The following AGMO variants were observed in gnomAD, a reference collection of about 807,000 sequenced individuals.
AGMO encodes the protein glyceryl-ether monooxygenase.
AGMO carries 75 observed loss-of-function variants against 60.2 expected under a neutral mutation model. The observed-to-expected ratio is 1.25, with a 90% CI of 1.03 to 1.51. The LOEUF is 1.51. Ranked by LOEUF, AGMO falls within the 40% of genes most tolerant of loss-of-function variation. AGMO has a pLI of 0.00. For missense variants in AGMO, 763 were observed against 525.5 expected (o/e 1.45, Z -4.42); for synonymous variants, 261 against 177.1 (o/e 1.47, Z -3.76).
At chr7:15,428,710 A>G (rs923132311) in intron 4 of AGMO, among the ~76,000 whole-genome samples, 4 of 152,050 alleles carry the variant, frequency 2.6e-5, no homozygotes, top group African/African-American at 7.2e-5. Context: ...TCTGAAGTCA[A>G]TGATGCTCTG....
At chr7:15,123,742 A>T in the AGMO span, among the ~76,000 whole-genome samples, 1 of 151,868 alleles carries the variant, frequency 6.6e-6, no homozygotes, top group African/African-American at 2.4e-5. Context: ...AAGTGGTATT[A>T]AAAAAAAGAG....
At chr7:15,359,043 A>C (rs192373942) in intron 12 of AGMO, among the ~76,000 whole-genome samples, 2 of 152,252 alleles carry the variant, frequency 1.3e-5, no homozygotes, top group East Asian at 3.9e-4. Flanking sequence ...TAATCCCAGC[A>C]CTTTGGGAGG....
At chr7:15,271,519 A>G (rs1465032791) in intron 12 of AGMO, among the ~76,000 whole-genome samples, 1 of 152,158 alleles carries the variant, frequency 6.6e-6, no homozygotes, top group Non-Finnish European at 1.5e-5. Context: ...TTAATTTTGT[A>G]TCTTGAAAAT....
chr7:15,496,048 A>G (rs1252065959), intron 3 of AGMO, among the ~76,000 whole-genome samples: 1 of 152,172 alleles, frequency 6.6e-6, no homozygotes, highest in Non-Finnish European at 1.5e-5. Context: ...TACTCAGTCC[A>G]TAACATCTAC....
chr7:15,351,710 G>A (rs1782249567), intron 12 of AGMO, among the ~76,000 whole-genome samples: 1 of 152,090 alleles, frequency 6.6e-6, no homozygotes, highest in Non-Finnish European at 1.5e-5. Context: ...ATTTTAAGTG[G>A]ACACATAAAT....
chr7:15,195,114 A>G, the AGMO span, among the ~76,000 whole-genome samples: 1 of 152,140 alleles, frequency 6.6e-6, no homozygotes, highest in African/African-American at 2.4e-5. Flanking sequence ...ACACTACTAC[A>G]AGAGACCCTG....
chr7:15,264,177 C>A (rs1014913007), intron 12 of AGMO, among the ~76,000 whole-genome samples: 6 of 151,548 alleles, frequency 4.0e-5, no homozygotes, highest in Middle Eastern at 3.2e-3. Flanking sequence ...AAAATAATGA[C>A]CAATTAAAAA....
chr7:15,146,826 TC>T, the AGMO span, among the ~76,000 whole-genome samples: 3 of 152,168 alleles, frequency 2.0e-5, no homozygotes, highest in Non-Finnish European at 4.4e-5. Flanking sequence ...CAGTAGCATC[TC>T]AAAATCAGTG....
At chr7:15,476,684 A>C (rs528627142) in intron 3 of AGMO, among the ~76,000 whole-genome samples, 2 of 152,182 alleles carry the variant, frequency 1.3e-5, no homozygotes, top group East Asian at 1.9e-4. Flanking sequence ...TCCTTCTATC[A>C]GCTTTGAAAG....
At chr7:15,484,151 A>T (rs938142582) in intron 3 of AGMO, among the ~76,000 whole-genome samples, 3 of 152,310 alleles carry the variant, frequency 2.0e-5, no homozygotes, top group Non-Finnish European at 4.4e-5. Flanking sequence ...TTCACAAAAA[A>T]GACATTGCAA....
At chr7:15,553,065 G>T (rs973951057) in intron 2 of AGMO, among the ~76,000 whole-genome samples, 3 of 150,122 alleles carry the variant, frequency 2.0e-5, no homozygotes, top group South Asian at 2.1e-4. Flanking sequence ...GTAAACTATC[G>T]CAAGAACAAA....
At chr7:15,139,338 A>C in the AGMO span, among the ~76,000 whole-genome samples, 1 of 152,032 alleles carries the variant, frequency 6.6e-6, no homozygotes, top group Non-Finnish European at 1.5e-5. Flanking sequence ...TGGGGCTTTT[A>C]ATTGATTCTG....
chr7:15,359,044 C>A (rs1044294723), intron 12 of AGMO, among the ~76,000 whole-genome samples: 1 of 152,084 alleles, frequency 6.6e-6, no homozygotes, highest in African/African-American at 2.4e-5. Context: ...AATCCCAGCA[C>A]TTTGGGAGGC....
chr7:15,307,523 T>C (rs537434990), intron 12 of AGMO, among the ~76,000 whole-genome samples: 226 of 152,046 alleles, frequency 1.5e-3, no homozygotes, highest in African/African-American at 5.1e-3. Context: ...TAAAGTATAC[T>C]AGTTTTTTTT....
chr7:15,384,851 T>G (rs1290295773), intron 10 of AGMO, among the ~76,000 whole-genome samples: 1 of 149,722 alleles, frequency 6.7e-6, no homozygotes, highest in Admixed American at 6.7e-5. Flanking sequence ...TACAACATAT[T>G]TTTATATACG....
At chr7:15,130,980 T>C in the AGMO span, among the ~76,000 whole-genome samples, 483 of 152,296 alleles carry the variant, frequency 3.2e-3, 4 homozygotes, top group Middle Eastern at 6.8e-3. Flanking sequence ...AATAATTTAT[T>C]AAGCTTCAAA....
the AGMO span, among the ~76,000 whole-genome samples, chr7:15,124,290 C>G: frequency 5.3e-5 from 8 of 152,018 alleles, no homozygotes; most frequent in African/African-American, 1.9e-4. Flanking sequence ...AGCCACTTAT[C>G]TCTGTGGTAG....
At chr7:15,380,875 C>G (rs1404479091) in intron 10 of AGMO, among the ~76,000 whole-genome samples, 1 of 152,120 alleles carries the variant, frequency 6.6e-6, no homozygotes, top group African/African-American at 2.4e-5. Flanking sequence ...AGAAATAACA[C>G]TGCACAACTA....
chr7:15,475,905 T>G lies in AGMO; in HGVS notation c.410-44797A>C, dbSNP rs558635281. Among the ~76,000 whole-genome samples the G allele has an allele frequency of 9.9e-5, 15 of 152,208 alleles. No homozygotes were observed. The South Asian group carries it at 3.1e-3, about 32-fold the overall frequency. ...ATCCCACATAAGATCTAAACATATT[T>G]ACTCATTTCTGTGAGCATCAATTTT... On this transcript the variant is annotated intron_variant, in intron 3 of 12. Transcript: ENST00000342526.
Sources: allele counts gnomAD v4.1 joint callset (sites outside exome capture counted in the v4.1 genomes callset), GRCh38; gene constraint gnomAD v4.1.1; transcripts MANE v1.5; gene names NCBI Gene and HGNC (gene_info 2026-07-23, HGNC 2026-07-21).